TTC7A: variants seen among roughly 807,000 people sequenced by gnomAD.
The protein encoded by TTC7A is tetratricopeptide repeat domain 7A, also known as tetratricopeptide repeat protein 7A.
Under a neutral mutation model 103.7 loss-of-function variants are expected in TTC7A, and 110 were observed. That is an observed-to-expected ratio of 1.06 (90% CI 0.91 to 1.24). The LOEUF (loss-of-function observed/expected upper bound fraction) is 1.24, where lower values mean the gene tolerates loss of function less well. TTC7A is among the 50% of genes most tolerant of loss of function. The probability of loss-of-function intolerance (pLI) is 0.00; values close to 1 mark genes in which losing one functional copy is unlikely to be tolerated. For missense variants in TTC7A, 1,340 were observed against 1,116.3 expected (o/e 1.20, Z -2.86); for synonymous variants, 521 against 467.9 (o/e 1.11, Z -1.47).
chr2:46,947,945 C>T (rs1444607439), intron 1 of TTC7A, among the ~76,000 whole-genome samples: 1 of 152,178 alleles, frequency 6.6e-6, no homozygotes, highest in Non-Finnish European at 1.5e-5. Context: ...CCATGGCCAG[C>T]CGCACTTGGA....
chr2:46,936,661 A>G (rs907090995), upstream of TTC7A, among the ~76,000 whole-genome samples: 3 of 152,064 alleles, frequency 2.0e-5, no homozygotes, highest in Admixed American at 6.6e-5. Flanking sequence ...CTGTCACCCA[A>G]ATGTGTACAC....
chr2:47,045,051 G>A lies in TTC7A; in HGVS notation c.1803-1264G>A, dbSNP rs578028912. 3.3e-5 allele frequency among the ~76,000 whole-genome samples: 5 copies of A among 152,314 alleles called. No homozygotes were observed. The South Asian group carries it at 6.2e-4, about 19-fold the overall frequency. ...CCTCAGGTGGGCTGGTAGAACCTCC[G>A]GGCAGTGATCAAGTGCAGGCCCTGA... On this transcript the variant is annotated intron_variant, in intron 15 of 19. Transcript: ENST00000319190.
chr2:47,051,677 G>T, intron 17 of TTC7A, 69 bp from the exon 18 acceptor site: 1 of 1,523,424 alleles, frequency 6.6e-7, no homozygotes, highest in South Asian at 1.3e-5. Context: ...GCTGGGCAAT[G>T]ACTGCTCCTG....
rs114074080 is a variant in TTC7A, at chr2:47,057,868, A to G, written c.2153-2901A>G. 5.7e-3 allele frequency among the ~76,000 whole-genome samples: 869 copies of G among 152,256 alleles called. 5 individuals carry two copies. Among genetic ancestry groups the G allele is most frequent in the African/African-American group, 0.02 (825 of 41,538 alleles). ...TCGACCTAGCCCCTCTTGAGTGCCC[A>G]TAACACTCAGATGTGGCACTTGTCA... On this transcript the variant is annotated intron_variant, in intron 18 of 19. Coordinates refer to ENST00000319190, the MANE Select transcript of TTC7A (RefSeq NM_020458.4).
intron 3 of TTC7A, chr2:46,974,629 A>T: frequency 2.2e-6 from 1 of 458,462 alleles, no homozygotes; most frequent in South Asian, 1.6e-5. Context: ...GAAAAGGAGG[A>T]AAGAGGAAAG....
At chr2:46,955,710 G>A (rs936392122) in intron 2 of TTC7A, among the ~76,000 whole-genome samples, 2 of 152,208 alleles carry the variant, frequency 1.3e-5, no homozygotes, top group African/African-American at 4.8e-5. Context: ...TTCTGAGAGG[G>A]CAGTAGATGG....
chr2:47,006,660 A>G lies in TTC7A; in HGVS notation c.1223A>G (p.Lys408Arg). 1.2e-6 allele frequency: 2 copies of G among 1,614,122 alleles called. No individual in the cohort carries two copies. Among genetic ancestry groups the G allele is most frequent in the Non-Finnish European group, 1.7e-6 (2 of 1,180,000 alleles). ...MLSECLERAMKFAFGEFHLWY... is the reference protein window; with the variant it reads ...MLSECLERAMRFAFGEFHLWY... ...CCCCAGTGCCTGGAGCGAGCCATGAAGTTTGCGTTTGGAGAATTTCACCTT... is the reference window on the plus strand; with the variant it reads ...CCCCAGTGCCTGGAGCGAGCCATGAGGTTTGCGTTTGGAGAATTTCACCTT... The change falls in exon 10 of 20, where the codon AAG (lysine) becomes AGG (arginine). Residue 408 changes from lysine (K) to arginine (R), a missense_variant. Transcript: ENST00000319190.
chr2:46,987,248 G>A (rs12995998), intron 5 of TTC7A, among the ~76,000 whole-genome samples: 6 of 152,246 alleles, frequency 3.9e-5, no homozygotes, highest in African/African-American at 1.4e-4. Flanking sequence ...GTTGCCAGAA[G>A]GGGGCACCTT....
At chr2:47,024,149 T>A (rs557430439) in intron 13 of TTC7A, 138 bp from the exon 14 acceptor site, 1 of 713,418 alleles carries the variant, frequency 1.4e-6, no homozygotes, top group South Asian at 2.5e-5. Context: ...TGGATGCCCC[T>A]CTGAGGCAGA....
At chr2:46,991,730 A>G (rs539777324) in intron 5 of TTC7A, among the ~76,000 whole-genome samples, 77 of 152,312 alleles carry the variant, frequency 5.1e-4, no homozygotes, top group African/African-American at 1.8e-3. Context: ...GAAGTCTGGG[A>G]GACACTGAGC....
At chr2:47,018,681 A>G (rs1678953721) in intron 11 of TTC7A, among the ~76,000 whole-genome samples, 1 of 151,994 alleles carries the variant, frequency 6.6e-6, no homozygotes, top group South Asian at 2.1e-4. Context: ...ATATCTACAT[A>G]TGTAAATATA....
chr2:47,050,189 C>T (rs951950209), intron 17 of TTC7A, 143 bp downstream of exon 17: 2 of 694,590 alleles, frequency 2.9e-6, no homozygotes, highest in Non-Finnish European at 5.0e-6. Context: ...CGGGCAACTT[C>T]TGGGGCTGAT....
intron 14 of TTC7A, among the ~76,000 whole-genome samples, chr2:47,027,985 G>A (rs916162609): frequency 2.9e-4 from 44 of 152,214 alleles, no homozygotes. Context: ...GGGCCCATGG[G>A]GTGGGGAGCT....
Position 47,021,749 on chromosome 2 carries a change from G to A in TTC7A, c.1393-113G>A, listed in dbSNP as rs956311829. 15 of 812,446 alleles carry A rather than the reference G, an allele frequency of 1.8e-5. No homozygotes were observed. In the East Asian group the frequency reaches 3.7e-4, roughly 20 times the overall value. 50.3% of individuals were successfully genotyped at this position (812,446 alleles called of 1,614,324 possible). A position where few individuals can be genotyped will look rare whatever the true frequency, so the allele number is the denominator to read the frequency against. The stretch of plus-strand genomic sequence containing the variant: ...GGAAGCTTCTCCCTGTGAGAGTAAG[G>A]CCCTGTGACCTTGAGCACAAGGCTT... On this transcript the variant is annotated intron_variant, in intron 11 of 19. Coordinates refer to ENST00000319190, the MANE Select transcript of TTC7A (RefSeq NM_020458.4).
chr2:46,928,991 T>A (rs927250584), intron 2 of TTC7A, among the ~76,000 whole-genome samples: 34 of 151,594 alleles, frequency 2.2e-4, no homozygotes, highest in Non-Finnish European at 4.6e-4. Flanking sequence ...GGCAAAACTC[T>A]GTCTCTACTA....
chr2:47,057,301 T>A (rs1030601822), intron 18 of TTC7A, among the ~76,000 whole-genome samples: 1 of 152,178 alleles, frequency 6.6e-6, no homozygotes, highest in Non-Finnish European at 1.5e-5. Flanking sequence ...CTGGTCTGTG[T>A]CTTCTGGTTT....
chr2:47,031,683 ACCTGCCCAGTT>A (rs1008453877), intron 15 of TTC7A, among the ~76,000 whole-genome samples: 3 of 152,196 alleles, frequency 2.0e-5, no homozygotes, highest in African/African-American at 7.2e-5. Flanking sequence ...GGTGATTTGT[ACCTGCCCAGTT>A]CCAGCTGAGG....
intron 2 of TTC7A, among the ~76,000 whole-genome samples, chr2:46,930,389 A>T (rs1433878255): frequency 6.6e-6 from 1 of 151,542 alleles, no homozygotes; most frequent in Admixed American, 6.6e-5. Context: ...TTTTATAATT[A>T]ACTTCATGCC....
upstream of TTC7A, among the ~76,000 whole-genome samples, chr2:46,937,680 C>T (rs564776235): frequency 4.6e-4 from 70 of 152,290 alleles, no homozygotes; most frequent in African/African-American, 1.5e-3. This position sits in a 1 kb window ranked among gnomAD's most constrained non-coding sequence, Gnocchi z 4.0. Flanking sequence ...TCAAGTGATT[C>T]TCCCACCTCC....
Sources: allele counts gnomAD v4.1 joint callset (sites outside exome capture counted in the v4.1 genomes callset), GRCh38; gene constraint gnomAD v4.1.1; non-coding constraint Gnocchi (gnomAD v3.1); transcripts MANE v1.5; gene names NCBI Gene and HGNC (gene_info 2026-07-23, HGNC 2026-07-21).